COBLL1: variants seen among roughly 807,000 people sequenced by gnomAD.
COBLL1 encodes the protein cordon-bleu protein-like 1.
COBLL1 carries 50 observed loss-of-function variants against 94.8 expected under a neutral mutation model. The observed-to-expected ratio is 0.53, with a 90% CI of 0.42 to 0.67. COBLL1 has a LOEUF of 0.67. COBLL1 is among the 30% of genes least tolerant of loss of function. The pLI, the probability that COBLL1 is intolerant of heterozygous loss-of-function variation, is 0.00. For missense variants in COBLL1, 1,362 were observed against 1,348.7 expected (o/e 1.01, Z -0.15); for synonymous variants, 448 against 473.8 (o/e 0.95, Z 0.71).
At chr2:164,719,566 A>G (rs1685345517) in intron 7 of COBLL1, among the ~76,000 whole-genome samples, 2 of 152,208 alleles carry the variant, frequency 1.3e-5, no homozygotes, top group South Asian at 4.2e-4. Context: ...TGGCAGCATA[A>G]TGCCAATTTC....
chr2:164,660,786 C>T (rs1691057640), intron 2 of COBLL1, among the ~76,000 whole-genome samples: 1 of 152,140 alleles, frequency 6.6e-6, no homozygotes, highest in African/African-American at 2.4e-5. Flanking sequence ...AATTACATTA[C>T]ATACAGCAAT....
intron 13 of COBLL1, among the ~76,000 whole-genome samples, chr2:164,686,242 T>G (rs1429074984): frequency 1.3e-5 from 2 of 151,686 alleles, no homozygotes; most frequent in Non-Finnish European, 2.9e-5. Flanking sequence ...ATAAGATAAA[T>G]AATCCATTAA....
rs530003747 is a variant in COBLL1, at chr2:164,674,260, C to T, written n.127-8359G>A. ...ATTTTTAGTTGAGATAGGGTTTCAC[C>T]GTGTTGGCCAGGATGGCCTCGATCT... On this transcript the variant is annotated intron_variant and non_coding_transcript_variant, in intron 1 of 2. Coordinates refer to the COBLL1 transcript ENST00000495084. 3.9e-5 allele frequency among the ~76,000 whole-genome samples: 6 copies of T among 152,238 alleles called. No homozygotes were observed. The East Asian group carries it at 5.8e-4, about 15-fold the overall frequency.
chr2:164,693,234 CAAGTA>C (rs1683713992), intron 12 of COBLL1, among the ~76,000 whole-genome samples: 1 of 151,948 alleles, frequency 6.6e-6, no homozygotes, highest in South Asian at 2.1e-4. Flanking sequence ...GCTTTGTGCC[CAAGTA>C]AAGAATTAAT....
chr2:164,802,475 TG>T, intron 2 of COBLL1, among the ~76,000 whole-genome samples: 1 of 152,314 alleles, frequency 6.6e-6, no homozygotes, highest in East Asian at 1.9e-4. Context: ...TGAGTTTACT[TG>T]GCCCAATACA....
chr2:164,734,398 C>T (rs1275768974), intron 3 of COBLL1, among the ~76,000 whole-genome samples: 1 of 152,078 alleles, frequency 6.6e-6, no homozygotes, highest in Non-Finnish European at 1.5e-5. Flanking sequence ...CTAGTGAAAA[C>T]AATAGGCATG....
chr2:164,702,152 T>G (rs1160941113), intron 9 of COBLL1, among the ~76,000 whole-genome samples: 1 of 152,178 alleles, frequency 6.6e-6, no homozygotes, highest in Admixed American at 6.5e-5. Flanking sequence ...AATTTAGGTT[T>G]AAGTGAATAT....
chr2:164,756,656 C>T (rs187403354), intron 2 of COBLL1, among the ~76,000 whole-genome samples: 173 of 151,854 alleles, frequency 1.1e-3, no homozygotes, highest in African/African-American at 4.1e-3. Context: ...GACATGTGGG[C>T]GATACGGCAG....
chr2:164,700,590 G>C lies in COBLL1; in HGVS notation c.1392C>G (p.Gly464=), dbSNP rs1157608452. The C allele has an allele frequency of 6.2e-7, 1 of 1,613,568 alleles. No homozygotes were observed. The highest frequency in any genetic ancestry group is 8.5e-7 in the Non-Finnish European group (1 of 1,179,774). ...TTTGTGAGAACTCTCCACTACCATT[G>C]CCAAGGGCTGAGTCAGGATCATTTT... ...TLKNDPDSAL[G]NGSGEFSQNS... Residue 464 remains glycine (G), a synonymous_variant, in exon 10 of 14, where the codon GGC becomes GGG. Coordinates refer to ENST00000652658, the MANE Select transcript of COBLL1 (RefSeq NM_001365672.2).
intron 3 of COBLL1, among the ~76,000 whole-genome samples, chr2:164,732,918 G>A (rs1177185225): frequency 6.6e-6 from 1 of 152,190 alleles, no homozygotes; most frequent in East Asian, 1.9e-4. Flanking sequence ...AGCCAGGCAT[G>A]GTGGCAGGTG....
intron 2 of COBLL1, among the ~76,000 whole-genome samples, chr2:164,749,513 G>A (rs1687023798): frequency 6.6e-6 from 1 of 152,120 alleles, no homozygotes; most frequent in Non-Finnish European, 1.5e-5. Flanking sequence ...GGCCACTAAA[G>A]TATGTATTTC....
chr2:164,714,154 AACAC>A (rs10563101), intron 7 of COBLL1, among the ~76,000 whole-genome samples: 21,974 of 148,332 alleles, frequency 0.15, 1,925 homozygotes, highest in African/African-American at 0.25. Context: ...AATAGAAAGA[AACAC>A]ACACACACAC....
chr2:164,730,831 T>A (rs1166802729), intron 3 of COBLL1, among the ~76,000 whole-genome samples: 1 of 152,180 alleles, frequency 6.6e-6, no homozygotes, highest in Non-Finnish European at 1.5e-5. Flanking sequence ...CCACCACCAC[T>A]TTTTGGCTTT....
At chr2:164,805,341 A>ATT (rs1684073431) in intron 2 of COBLL1, among the ~76,000 whole-genome samples, 18 of 81,320 alleles carry the variant, frequency 2.2e-4, no homozygotes, top group South Asian at 7.9e-4. Context: ...CTCTCTCTAT[A>ATT]TATATATATA....
At chr2:164,716,927 C>T (rs1156797874) in intron 7 of COBLL1, among the ~76,000 whole-genome samples, 2 of 152,068 alleles carry the variant, frequency 1.3e-5, no homozygotes, top group Admixed American at 6.5e-5. Flanking sequence ...GATTTACTGA[C>T]ATCAGTAAAC....
chr2:164,740,165 A>G (rs769024584), intron 3 of COBLL1, among the ~76,000 whole-genome samples: 7 of 152,128 alleles, frequency 4.6e-5, no homozygotes, highest in Non-Finnish European at 8.8e-5. Context: ...ACACTGATAT[A>G]CATGCTGGGC....
At chr2:164,704,025 C>G (rs1684454243) in intron 9 of COBLL1, among the ~76,000 whole-genome samples, 1 of 152,146 alleles carries the variant, frequency 6.6e-6, no homozygotes, top group Non-Finnish European at 1.5e-5. Flanking sequence ...AGTAGGGTAA[C>G]TTGTATGTTG....
intron 13 of COBLL1, among the ~76,000 whole-genome samples, chr2:164,686,794 A>G (rs1683317703): frequency 6.6e-6 from 1 of 152,206 alleles, no homozygotes; most frequent in South Asian, 2.1e-4. Flanking sequence ...CATACTTGCA[A>G]TATAATGAAG....
In COBLL1 at chr2:164,662,943, C is replaced by A. The variant is rs530805576; in HGVS notation, n.181+2904G>T. On this transcript the variant is annotated intron_variant and non_coding_transcript_variant, in intron 2 of 2. Coordinates refer to the COBLL1 transcript ENST00000495084. ...TTAAATCTCTTTTCTTTATAAATTA[C>A]CCTGCCTTGGGTATTTCTTTATAGC... Among the ~76,000 whole-genome samples the A allele has an allele frequency of 1.1e-4, 17 of 152,240 alleles. No homozygotes were observed. The East Asian group carries it at 2.1e-3, about 19-fold the overall frequency.
Sources: allele counts gnomAD v4.1 joint callset (sites outside exome capture counted in the v4.1 genomes callset), GRCh38; gene constraint gnomAD v4.1.1; transcripts MANE v1.5; gene names NCBI Gene and HGNC (gene_info 2026-07-23, HGNC 2026-07-21).